Variants in TEX14 observed in about 807,000 individuals in gnomAD.
TEX14 encodes inactive serine/threonine-protein kinase TEX14.
Under a neutral mutation model 178.6 loss-of-function variants are expected in TEX14, and 168 were observed. That is an observed-to-expected ratio of 0.94 (90% CI 0.83 to 1.07). The LOEUF (loss-of-function observed/expected upper bound fraction) is 1.07, where lower values mean the gene tolerates loss of function less well. Among genes scored for constraint, TEX14 ranks in the 50% least tolerant of loss-of-function variants. The pLI, the probability that TEX14 is intolerant of heterozygous loss-of-function variation, is 0.00. For missense variants in TEX14, 1,730 were observed against 1,753.6 expected (o/e 0.99, Z 0.24); for synonymous variants, 626 against 634.1 (o/e 0.99, Z 0.19).
chr17:58,691,604 T>C (rs1052749323), intron 1 of TEX14, among the ~76,000 whole-genome samples: 4 of 147,726 alleles, frequency 2.7e-5, no homozygotes, highest in African/African-American at 7.5e-5. Flanking sequence ...GAGGCGAAGG[T>C]TGCAGTGAGC....
At chr17:58,580,180 T>C (rs2044776995) in intron 19 of TEX14, among the ~76,000 whole-genome samples, 1 of 152,138 alleles carries the variant, frequency 6.6e-6, no homozygotes, top group African/African-American at 2.4e-5. Context: ...AATGTTTCAT[T>C]TCCTTTTTTT....
chr17:58,645,956 T>C (rs1414030188), intron 2 of TEX14, among the ~76,000 whole-genome samples: 1 of 152,234 alleles, frequency 6.6e-6, no homozygotes, highest in Non-Finnish European at 1.5e-5. Context: ...CTCTAGATTA[T>C]TTATAATATC....
At position 58,569,241 on chromosome 17, in the gene TEX14, A is replaced by G; in HGVS notation, c.3837T>C (p.His1279=). 1.2e-6 allele frequency: 2 copies of G among 1,614,080 alleles called. No individual in the cohort carries two copies. The highest frequency in any genetic ancestry group is 1.7e-6 in the Non-Finnish European group (2 of 1,179,930). Residue 1279 remains histidine (H), a synonymous_variant, in exon 26 of 32, where the codon CAT becomes CAC. Coordinates refer to ENST00000349033, the MANE Select transcript of TEX14 (RefSeq NM_031272.5). This position sits in a 1 kb window ranked among gnomAD's most constrained non-coding sequence, Gnocchi z 4.1. The part of the protein sequence containing the change: ...SLPKVEAFSQ[H]HIDELPPPSQ... Reference sequence around the variant, plus strand: ...ATGGTGGTGGCAGCTCATCAATGTGATGCTGTGAGAAGGCTTCTACTAGTT... The same window carrying G: ...ATGGTGGTGGCAGCTCATCAATGTGGTGCTGTGAGAAGGCTTCTACTAGTT...
intron 13 of TEX14, among the ~76,000 whole-genome samples, chr17:58,601,258 C>T (rs1598375160): frequency 6.6e-6 from 1 of 151,954 alleles, no homozygotes; most frequent in Non-Finnish European, 1.5e-5. Context: ...CGCAGTGGCT[C>T]ACACCTGTAA....
At chr17:58,629,341 C>T (rs578041121) in intron 3 of TEX14, among the ~76,000 whole-genome samples, 1 of 151,836 alleles carries the variant, frequency 6.6e-6, no homozygotes, top group East Asian at 1.9e-4. Context: ...GTAATCCCAG[C>T]TACTAGGGAG....
At chr17:58,616,424 C>G (rs2045874311) in intron 6 of TEX14, 119 bp from the exon 7 acceptor site, 1 of 1,321,968 alleles carries the variant, frequency 7.6e-7, no homozygotes, top group East Asian at 2.4e-5. Flanking sequence ...TCTGAATACC[C>G]CTATGCACTG....
At chr17:58,686,442 C>A (rs866980111) in intron 1 of TEX14, among the ~76,000 whole-genome samples, 2 of 152,026 alleles carry the variant, frequency 1.3e-5, no homozygotes, top group African/African-American at 4.8e-5. Context: ...ATGAGTTAGG[C>A]TGAGTTGGAG....
Position 58,636,612 on chromosome 17 carries a change from A to C in TEX14, c.137-6058T>G, listed in dbSNP as rs376184698. ...GGTTCTAAAGTCCACGCACTATACCACTGTCTCTGTGATATTGTGAAATAT... is the reference window on the plus strand; with the variant it reads ...GGTTCTAAAGTCCACGCACTATACCCCTGTCTCTGTGATATTGTGAAATAT... On this transcript the variant is annotated intron_variant, in intron 2 of 31. Coordinates refer to ENST00000349033, the MANE Select transcript of TEX14 (RefSeq NM_031272.5). 6.8e-4 allele frequency among the ~76,000 whole-genome samples: 103 copies of C among 152,234 alleles called. 1 individual carries two copies. The South Asian group carries it at 0.018, about 27-fold the overall frequency.
intron 3 of TEX14, among the ~76,000 whole-genome samples, chr17:58,625,198 T>C (rs1204051582): frequency 6.6e-6 from 1 of 151,976 alleles, no homozygotes; most frequent in African/African-American, 2.4e-5. Flanking sequence ...AATGGTGCAA[T>C]CTCGACTCAC....
Position 58,599,164 on chromosome 17 carries a change from G to A in TEX14, c.2181C>T (p.Ile727=). The A allele has an allele frequency of 6.2e-7, 1 of 1,614,080 alleles. No individual in the cohort carries two copies. ...NNMSTTEEYL[I]SKCVLDLKIM... is the part of the protein sequence containing the mutation. ...TCTTTAGATCCAGCACACACTTACT[G>A]ATGAGATACTCCTCAGTCGTGGACA... Residue 727 remains isoleucine, a synonymous_variant, in exon 14 of 32, where the codon ATC becomes ATT. Coordinates refer to ENST00000349033, the MANE Select transcript of TEX14 (RefSeq NM_031272.5).
At chr17:58,613,617 T>G (rs1041960730) in intron 8 of TEX14, 73 bp from the exon 9 acceptor site, 66 of 1,473,660 alleles carry the variant, frequency 4.5e-5, no homozygotes, top group Non-Finnish European at 6.2e-5. Context: ...GTAGGCCTTT[T>G]GAACACATTC....
chr17:58,561,698 G>A, intron 28 of TEX14, 86 bp from the exon 29 acceptor site: 1 of 889,742 alleles, frequency 1.1e-6, no homozygotes, highest in Non-Finnish European at 1.9e-6. Flanking sequence ...AGAGTAGAAA[G>A]GGACCTTAAA....
At chr17:58,574,368 A>G in intron 21 of TEX14, 119 bp from the exon 22 acceptor site, 1 of 736,678 alleles carries the variant, frequency 1.4e-6, no homozygotes, top group Non-Finnish European at 2.3e-6. Flanking sequence ...AAGGGCACTA[A>G]GCTCAGGAGT....
chr17:58,665,853 C>T (rs1316522976), intron 1 of TEX14, among the ~76,000 whole-genome samples: 1 of 152,024 alleles, frequency 6.6e-6, no homozygotes, highest in Non-Finnish European at 1.5e-5. Context: ...CAAGACCGGC[C>T]TGACCAACGT....
intron 28 of TEX14, among the ~76,000 whole-genome samples, chr17:58,563,821 C>T (rs1206102550): frequency 2.0e-5 from 3 of 149,824 alleles, no homozygotes; most frequent in African/African-American, 7.4e-5. Flanking sequence ...GACACACACA[C>T]ACACACACAC....
At chr17:58,675,858 G>A (rs1013679228) in intron 1 of TEX14, among the ~76,000 whole-genome samples, 1 of 152,140 alleles carries the variant, frequency 6.6e-6, no homozygotes, top group Non-Finnish European at 1.5e-5. Flanking sequence ...CCAAAGGTAC[G>A]GTGATTACAA....
In TEX14 at chr17:58,599,223, A is replaced by T; in HGVS notation, c.2122T>A (p.Ser708Thr). ...GSLSSLSLPE[S>T]TREAKSNLNN... The stretch of plus-strand genomic sequence containing the variant: ...AAATTGCTCTTGGCTTCTCTGGTTG[A>T]CTCAGGAAGGCTGAGTGAACTGAGT... The change falls in exon 14 of 32, where the codon TCA (serine) becomes ACA (threonine). Residue 708 changes from serine (S) to threonine (T), a missense_variant. Physicochemically the swap from Ser to Thr is moderately conservative, Grantham distance 58. Coordinates refer to ENST00000349033, the MANE Select transcript of TEX14 (RefSeq NM_031272.5). 6.2e-7 allele frequency: 1 copy of T among 1,613,788 alleles called. No homozygotes were observed. The highest frequency in any genetic ancestry group is 8.5e-7 in the Non-Finnish European group (1 of 1,179,984).
intron 2 of TEX14, among the ~76,000 whole-genome samples, chr17:58,651,239 C>G (rs1343921637): frequency 2.0e-5 from 3 of 152,192 alleles, no homozygotes; most frequent in Admixed American, 6.6e-5. Context: ...GATCATGCTA[C>G]TGCACTGCAT....
intron 3 of TEX14, among the ~76,000 whole-genome samples, chr17:58,627,913 C>CTTTTT (rs1172697593): frequency 2.4e-4 from 18 of 75,668 alleles, no homozygotes; most frequent in African/African-American, 5.4e-4. Flanking sequence ...CCCATGCCAC[C>CTTTTT]TTTTTTTTTT....
Sources: gnomAD v4.1 joint callset for allele counts (sites outside exome capture counted in the v4.1 genomes callset) on GRCh38, gnomAD v4.1.1 for gene constraint, Gnocchi (gnomAD v3.1) non-coding constraint, MANE v1.5 for transcripts, NCBI Gene and HGNC (gene_info 2026-07-23, HGNC 2026-07-21) for gene names.